Variants in SNX14 observed in about 807,000 individuals in gnomAD.
SNX14 encodes sorting nexin-14.
In SNX14, 93 loss-of-function variants were observed where a neutral mutation model predicts 133.8. That is an observed-to-expected ratio of 0.70 (90% CI 0.59 to 0.83). SNX14 has a LOEUF of 0.83. Among genes scored for constraint, SNX14 ranks in the 40% least tolerant of loss-of-function variants. The pLI, the probability that SNX14 is intolerant of heterozygous loss-of-function variation, is 0.00. For missense variants in SNX14, 945 were observed against 1,094.9 expected (o/e 0.86, Z 1.93); for synonymous variants, 368 against 365.6 (o/e 1.01, Z -0.07).
chr6:85,519,863 G>A (rs567819077), intron 21 of SNX14, among the ~76,000 whole-genome samples: 114 of 151,722 alleles, frequency 7.5e-4, no homozygotes, highest in Non-Finnish European at 1.4e-3. Flanking sequence ...GTGAGACTCC[G>A]TCTCAAAAAA....
chr6:85,584,311 G>T (rs1405986097), intron 1 of SNX14, among the ~76,000 whole-genome samples: 1 of 152,124 alleles, frequency 6.6e-6, no homozygotes, highest in Non-Finnish European at 1.5e-5. Context: ...ATAAAACCTA[G>T]GCAATACCAT....
chr6:85,546,267 T>A (rs758525487), intron 12 of SNX14, among the ~76,000 whole-genome samples: 24 of 152,214 alleles, frequency 1.6e-4, no homozygotes, highest in Non-Finnish European at 3.2e-4. Context: ...TGTACACACA[T>A]GCAAAACTGA....
chr6:85,565,106 G>C (rs1013679700), intron 6 of SNX14, among the ~76,000 whole-genome samples: 1 of 89,758 alleles, frequency 1.1e-5, no homozygotes, highest in African/African-American at 4.3e-5. Flanking sequence ...ACATTTAAAA[G>C]TAACTGAGTA....
chr6:85,534,894 G>A (rs928553374), intron 17 of SNX14, among the ~76,000 whole-genome samples: 2 of 148,084 alleles, frequency 1.4e-5, no homozygotes, highest in East Asian at 3.9e-4. Flanking sequence ...CTGGGTGGTA[G>A]ATATGCACGT....
intron 2 of SNX14, among the ~76,000 whole-genome samples, chr6:85,574,021 T>C (rs1472177741): frequency 6.6e-6 from 1 of 151,376 alleles, no homozygotes; most frequent in Non-Finnish European, 1.5e-5. Context: ...AATTTTCTAA[T>C]AGACTTCCAT....
chr6:85,546,903 G>A (rs1327805544), intron 12 of SNX14, among the ~76,000 whole-genome samples: 1 of 149,802 alleles, frequency 6.7e-6, no homozygotes, highest in Non-Finnish European at 1.5e-5. Flanking sequence ...GGAGGTTGCA[G>A]TGAGCCAAGA....
chr6:85,534,849 A>G (rs377137872), intron 17 of SNX14, among the ~76,000 whole-genome samples: 13 of 67,308 alleles, frequency 1.9e-4, no homozygotes, highest in African/African-American at 7.1e-4. Flanking sequence ...TTTTTTTTTT[A>G]AAGAAAATCA....
At chr6:85,523,995 C>T (rs1263176060) in intron 21 of SNX14, among the ~76,000 whole-genome samples, 2 of 152,048 alleles carry the variant, frequency 1.3e-5, no homozygotes, top group African/African-American at 4.8e-5. Flanking sequence ...CCATCCTAGC[C>T]AACATGGTGA....
At chr6:85,536,657 A>G (rs768237930) in intron 17 of SNX14, 135 bp downstream of exon 17, 129 of 730,182 alleles carry the variant, frequency 1.8e-4, no homozygotes, top group Non-Finnish European at 2.5e-4. Context: ...GGAAGTCTGA[A>G]GTAAGAAGAT....
intron 16 of SNX14, among the ~76,000 whole-genome samples, chr6:85,538,577 T>C (rs1782653438): frequency 6.6e-6 from 1 of 152,156 alleles, no homozygotes; most frequent in African/African-American, 2.4e-5. Context: ...AAATACAAGA[T>C]ACTGACAAAT....
In SNX14 at chr6:85,519,962, A is replaced by G. The variant is rs118141087; in HGVS notation, c.2108-1914T>C. On this transcript the variant is annotated intron_variant, in intron 21 of 28. Coordinates refer to ENST00000314673, the MANE Select transcript of SNX14 (RefSeq NM_153816.6). Reference sequence around the variant, plus strand: ...GTGAGACTCTGTCTCTAAAAACCATAATGAATACAAATGAATAAAAAATAA... The same window carrying G: ...GTGAGACTCTGTCTCTAAAAACCATGATGAATACAAATGAATAAAAAATAA... Among the ~76,000 whole-genome samples, 1,183 of 152,248 alleles carry G rather than the reference A, an allele frequency of 7.8e-3. 36 individuals are homozygous for G. The East Asian group carries it at 0.097, about 12-fold the overall frequency.
intron 1 of SNX14, among the ~76,000 whole-genome samples, chr6:85,583,857 A>G (rs2128229037): frequency 6.6e-6 from 1 of 152,344 alleles, no homozygotes. Flanking sequence ...TATCCCCATC[A>G]AGCTACCATT....
chr6:85,524,407 C>G (rs1239351439), intron 21 of SNX14, among the ~76,000 whole-genome samples: 1 of 152,006 alleles, frequency 6.6e-6, no homozygotes, highest in Non-Finnish European at 1.5e-5. Context: ...TAATGAATGC[C>G]AAAGGCAAAG....
chr6:85,542,304 C>A (rs1343892410), intron 14 of SNX14, among the ~76,000 whole-genome samples: 1 of 152,210 alleles, frequency 6.6e-6, no homozygotes, highest in Non-Finnish European at 1.5e-5. Context: ...GCAAACCAGG[C>A]AGACCTATTT....
chr6:85,586,490 A>G (rs1486700263), intron 1 of SNX14, among the ~76,000 whole-genome samples: 2 of 152,232 alleles, frequency 1.3e-5, no homozygotes, highest in Admixed American at 1.3e-4. Flanking sequence ...CCAATAGGGA[A>G]AATTTTTATT....
At position 85,565,366 on chromosome 6, in the gene SNX14, A is replaced by C. The variant is rs764033772; in HGVS notation, c.515T>G (p.Phe172Cys). The change falls in exon 6 of 29, where the codon TTT (phenylalanine) becomes TGT (cysteine). Residue 172 changes from phenylalanine to cysteine, a missense_variant. Phe to Cys is a radical substitution (Grantham distance 205). Coordinates refer to ENST00000314673, the MANE Select transcript of SNX14 (RefSeq NM_153816.6). ...FVDELRITLR[F>C]FASVLIRRIH... Reference sequence around the variant, plus strand: ...CCTTCTTATTAAGACAGATGCAAAAAAACGTAATGTTATTCTCAGTTCATC... The same window carrying C: ...CCTTCTTATTAAGACAGATGCAAAACAACGTAATGTTATTCTCAGTTCATC... The C allele has an allele frequency of 1.2e-6, 2 of 1,604,270 alleles. No homozygotes were observed. The highest frequency in any genetic ancestry group is 1.7e-6 in the Non-Finnish European group (2 of 1,174,938).
At chr6:85,526,790 C>T (rs905013529) in intron 20 of SNX14, among the ~76,000 whole-genome samples, 6 of 152,190 alleles carry the variant, frequency 3.9e-5, no homozygotes, top group Non-Finnish European at 8.8e-5. Context: ...ATAACATGGG[C>T]TGGGTGCGGT....
chr6:85,589,116 C>T, intron 1 of SNX14: 1 of 247,014 alleles, frequency 4.0e-6, no homozygotes. Flanking sequence ...GCTTTAGATT[C>T]AGTGCCAGTA....
intron 1 of SNX14, among the ~76,000 whole-genome samples, chr6:85,586,408 G>A (rs894972894): frequency 6.6e-6 from 1 of 152,206 alleles, no homozygotes; most frequent in African/African-American, 2.4e-5. Context: ...AGAAAAGCTT[G>A]AGATGTAGGA....
Sources: allele counts gnomAD v4.1 joint callset (sites outside exome capture counted in the v4.1 genomes callset), GRCh38; gene constraint gnomAD v4.1.1; transcripts MANE v1.5; gene names NCBI Gene and HGNC (gene_info 2026-07-23, HGNC 2026-07-21).